Variants in EIF2AK3 observed in about 807,000 individuals in gnomAD.
EIF2AK3 encodes the protein eukaryotic translation initiation factor 2-alpha kinase 3.
A neutral mutation model predicts 113.5 loss-of-function variants in EIF2AK3; 50 were observed. That is an observed-to-expected ratio of 0.44 (90% CI 0.35 to 0.56). EIF2AK3 has a LOEUF of 0.56. Ranked by LOEUF, EIF2AK3 falls within the 20% of genes least tolerant of loss-of-function variation. The pLI is 0.00. For synonymous variants in EIF2AK3, 448 were observed against 495.4 expected, an observed-to-expected ratio of 0.90 and a Z score of 1.27; for missense variants, 1,185 against 1,378.0, an observed-to-expected ratio of 0.86 and a Z score of 2.22.
chr2:88,595,222 A>AC (rs1395870631), intron 3 of EIF2AK3, among the ~76,000 whole-genome samples: 1 of 151,204 alleles, frequency 6.6e-6, no homozygotes, highest in Admixed American at 6.6e-5. Flanking sequence ...AAAAAAAAAA[A>AC]AAAAAAACAC....
rs761638889 is a variant in EIF2AK3, at chr2:88,595,446, G to A, written c.633+23C>T. On this transcript the variant is annotated intron_variant, in intron 3 of 16. Transcript: ENST00000303236. ...CCTAATTTACTCTGATTTCCCCAAA[G>A]TAAATTCAGCATTTTCACTTACCTT... The A allele has an allele frequency of 2.5e-6, 4 of 1,611,462 alleles. No individual in the cohort carries two copies. The South Asian group carries it at 3.3e-5, about 13-fold the overall frequency.
intron 2 of EIF2AK3, among the ~76,000 whole-genome samples, chr2:88,606,610 T>TG: frequency 6.6e-6 from 1 of 152,334 alleles, no homozygotes; most frequent in South Asian, 2.1e-4. Flanking sequence ...CAAAACAACT[T>TG]GGACAGCTTT....
In EIF2AK3 at chr2:88,574,759, C is replaced by T; in HGVS notation, c.2724G>A (p.Glu908=). Residue 908 remains glutamate, a synonymous_variant, in exon 13 of 17, where the codon GAG becomes GAA. Transcript: ENST00000303236. ...TGTGCAGACACACGCTCCTCTCTCT[C>T]TCCTCTATGGTACATCGTCCATTCA... ...DWMNGRCTIE[E]RERSVCLHIF... 2 of 1,614,230 alleles carry T rather than the reference C, an allele frequency of 1.2e-6. No homozygotes were observed. Among genetic ancestry groups the T allele is most frequent in the South Asian group, 1.1e-5 (1 of 91,084 alleles).
At chr2:88,600,684 A>C (rs1573412883) in intron 2 of EIF2AK3, among the ~76,000 whole-genome samples, 1 of 152,214 alleles carries the variant, frequency 6.6e-6, no homozygotes, top group East Asian at 1.9e-4. Flanking sequence ...TGGCACTTGC[A>C]ATCAGGGACT....
At chr2:88,607,023 A>G (rs2104460004) in intron 2 of EIF2AK3, among the ~76,000 whole-genome samples, 1 of 152,360 alleles carries the variant, frequency 6.6e-6, no homozygotes, top group Non-Finnish European at 1.5e-5. Flanking sequence ...CTAAATAAAG[A>G]TAAAGGTATT....
chr2:88,576,916 A>G (rs1051177515), intron 11 of EIF2AK3, among the ~76,000 whole-genome samples: 32 of 152,206 alleles, frequency 2.1e-4, no homozygotes, highest in African/African-American at 7.7e-4. Flanking sequence ...AATAGTGAAA[A>G]CAGAAAAATA....
rs1474906844 is a variant in EIF2AK3, at chr2:88,557,632, T to C, written c.*104A>G. 1 of 1,289,050 alleles carries C rather than the reference T, an allele frequency of 7.8e-7. No homozygotes were observed. The highest frequency in any genetic ancestry group is 2.3e-5 in the East Asian group (1 of 43,188). The allele number at this position is 1,289,050 out of a possible 1,614,324, so 79.9% of individuals were successfully genotyped here. A position where few individuals can be genotyped will look rare whatever the true frequency, so the allele number is the denominator to read the frequency against. On this transcript the variant is annotated 3_prime_UTR_variant, in exon 17 of 17. Coordinates refer to ENST00000303236, the MANE Select transcript of EIF2AK3 (RefSeq NM_004836.7). ...TAAAAAAAGTAGTCCACAAAAAAAT[T>C]GAGCGAAGAACAAACTTTTCAAGTC...
At chr2:88,590,746 C>T in intron 5 of EIF2AK3, 72 bp downstream of exon 5, 3 of 1,584,752 alleles carry the variant, frequency 1.9e-6, no homozygotes, top group Non-Finnish European at 2.6e-6. Flanking sequence ...AATTTCGTTC[C>T]ACCCAATCAA....
Position 88,576,700 on chromosome 2 carries a change from T to C in EIF2AK3, c.1890A>G (p.Glu630=). The C allele has an allele frequency of 6.2e-7, 1 of 1,614,032 alleles. No individual in the cohort carries two copies. The highest frequency in any genetic ancestry group is 1.7e-5 in the Admixed American group (1 of 60,006). ...AIKRIRLPNR[E]LAREKVMREV... The stretch of plus-strand genomic sequence containing the variant: ...CTCGCATTACCTTTTCCCGAGCCAA[T>C]TCCCTGAAAGAGAGAAAATATTTAA... The change falls in exon 12 of 17, where the codon GAA becomes GAG. Residue 630 remains glutamate, a synonymous_variant. Coordinates refer to ENST00000303236, the MANE Select transcript of EIF2AK3 (RefSeq NM_004836.7).
intron 3 of EIF2AK3, chr2:88,593,894 A>G: frequency 1.0e-6 from 1 of 997,046 alleles, no homozygotes; most frequent in Non-Finnish European, 1.2e-6. Flanking sequence ...CCAAACTAAA[A>G]TCCTCACGAA....
chr2:88,606,427 C>G (rs1263493995), intron 2 of EIF2AK3, among the ~76,000 whole-genome samples: 1 of 152,192 alleles, frequency 6.6e-6, no homozygotes, highest in South Asian at 2.1e-4. Context: ...ATTAATATAA[C>G]AAAATTAAAT....
chr2:88,571,859 C>T (rs1269674014), intron 13 of EIF2AK3, among the ~76,000 whole-genome samples: 1 of 152,132 alleles, frequency 6.6e-6, no homozygotes, highest in African/African-American at 2.4e-5. Flanking sequence ...GTTCTAAACT[C>T]ATATTACACT....
In EIF2AK3 at chr2:88,588,117, T is replaced by A; in HGVS notation, c.1307-13A>T. On this transcript the variant is annotated splice_polypyrimidine_tract_variant and intron_variant, in intron 7 of 16. Coordinates refer to ENST00000303236, the MANE Select transcript of EIF2AK3 (RefSeq NM_004836.7). ...CTGGAAGGAGAATCTAAAAGAAAAT[T>A]ATTATTTTCTTAATAATAATATTTC... The A allele has an allele frequency of 7.0e-7, 1 of 1,438,308 alleles. No individual in the cohort carries two copies. The highest frequency in any genetic ancestry group is 9.6e-7 in the Non-Finnish European group (1 of 1,038,314). The allele number at this position is 1,438,308 out of a possible 1,614,324, so 89.1% of individuals were successfully genotyped here.
At chr2:88,613,322 A>C (rs1299225617) in intron 2 of EIF2AK3, among the ~76,000 whole-genome samples, 1 of 152,220 alleles carries the variant, frequency 6.6e-6, no homozygotes, top group African/African-American at 2.4e-5. Context: ...AGGGAATAAT[A>C]ATTTATGGGA....
intron 2 of EIF2AK3, among the ~76,000 whole-genome samples, chr2:88,604,068 T>C (rs1037099051): frequency 6.6e-6 from 1 of 152,192 alleles, no homozygotes; most frequent in Non-Finnish European, 1.5e-5. Flanking sequence ...ATGACTACCA[T>C]GCAGTCTCTT....
At chr2:88,624,940 T>A (rs1180184224) in intron 1 of EIF2AK3, 2 of 152,202 alleles carry the variant, frequency 1.3e-5, no homozygotes, top group Admixed American at 6.5e-5. Context: ...GCTATAACAC[T>A]CTCCTTTTGG....
intron 12 of EIF2AK3, 125 bp downstream of exon 12, chr2:88,576,421 TTTCAAAAC>T (rs1674458254): frequency 7.3e-7 from 1 of 1,363,738 alleles, no homozygotes. Context: ...CTAGAGAACT[TTTCAAAAC>T]ATGAAACAAC....
At chr2:88,577,870 A>G (rs1674502323) in intron 11 of EIF2AK3, among the ~76,000 whole-genome samples, 1 of 152,158 alleles carries the variant, frequency 6.6e-6, no homozygotes, top group African/African-American at 2.4e-5. Context: ...GAGCACCCAG[A>G]GCAAATGCCG....
At position 88,595,622 on chromosome 2, in the gene EIF2AK3, G is replaced by A. The variant is rs1296782781; in HGVS notation, c.480C>T (p.Ala160=). 7 of 1,613,918 alleles carry A rather than the reference G, an allele frequency of 4.3e-6. No individual in the cohort carries two copies. The highest frequency in any genetic ancestry group is 1.7e-4 in the Middle Eastern group (1 of 6,058). Residue 160 remains alanine, a synonymous_variant, in exon 3 of 17, where the codon GCC becomes GCT. Coordinates refer to ENST00000303236, the MANE Select transcript of EIF2AK3 (RefSeq NM_004836.7). ...CACGGTCTTGGTCCCACTGGAAGAG[G>A]GCTCCATCCAGGGAAGGAATGATCA... ...NKMIIPSLDG[A]LFQWDQDRES...
Sources: gnomAD v4.1 joint callset for allele counts (sites outside exome capture counted in the v4.1 genomes callset) on GRCh38, gnomAD v4.1.1 for gene constraint, MANE v1.5 for transcripts, NCBI Gene and HGNC (gene_info 2026-07-23, HGNC 2026-07-21) for gene names.